Variants in UROC1 observed in about 807,000 individuals in gnomAD.
UROC1 encodes the protein urocanate hydratase 1.
Under a neutral mutation model 89.5 loss-of-function variants are expected in UROC1, and 79 were observed. The ratio of observed to expected loss-of-function variants is 0.88; its 90% CI spans 0.74 to 1.06. The LOEUF (loss-of-function observed/expected upper bound fraction) is 1.06. Among genes scored for constraint, UROC1 ranks in the 50% least tolerant of loss-of-function variants. The probability of loss-of-function intolerance (pLI) is 0.00; values close to 1 mark genes in which losing one functional copy is unlikely to be tolerated. For synonymous variants in UROC1, 361 were observed against 354.8 expected, an observed-to-expected ratio of 1.02 and a Z score of -0.20; for missense variants, 885 against 907.8, an observed-to-expected ratio of 0.97 and a Z score of 0.32.
intron 14 of UROC1, among the ~76,000 whole-genome samples, chr3:126,496,342 G>A (rs140722807): frequency 1.6e-4 from 24 of 152,224 alleles, no homozygotes; most frequent in African/African-American, 5.3e-4. Context: ...GATGCACTCG[G>A]TCCCTCCACA....
At chr3:126,501,118 A>C in intron 10 of UROC1, 100 bp downstream of exon 10, 11 of 1,373,846 alleles carry the variant, frequency 8.0e-6, no homozygotes, top group Non-Finnish European at 1.0e-5. Context: ...TGGGGCTCAA[A>C]GCTTTGTGTC....
chr3:126,493,781 G>A (rs1001024625), intron 15 of UROC1, among the ~76,000 whole-genome samples: 1 of 152,198 alleles, frequency 6.6e-6, no homozygotes, highest in African/African-American at 2.4e-5. Context: ...AAGAAAATTT[G>A]TACAGCCCCA....
intron 1 of UROC1, 82 bp from the exon 2 acceptor site, chr3:126,510,876 C>T (rs922000821): frequency 1.3e-6 from 2 of 1,553,096 alleles, no homozygotes; most frequent in African/African-American, 1.4e-5. Context: ...CCATCCTCCT[C>T]CCAAATGGAT....
intron 1 of UROC1, among the ~76,000 whole-genome samples, chr3:126,516,627 G>C: frequency 3.7e-5 from 1 of 27,210 alleles, no homozygotes; most frequent in Non-Finnish European, 7.6e-5. Flanking sequence ...CGCTCCACCT[G>C]CCCCCAGTGC....
chr3:126,493,190 G>A (rs2107537361), intron 15 of UROC1, among the ~76,000 whole-genome samples: 1 of 152,180 alleles, frequency 6.6e-6, no homozygotes, highest in East Asian at 1.9e-4. Context: ...CGGTCCTCAA[G>A]CAGGATGACA....
At position 126,509,622 on chromosome 3, in the gene UROC1, T is replaced by G. The variant is rs1289912012; in HGVS notation, c.314A>C (p.His105Pro). Residue 105 changes from histidine to proline, a missense_variant, in exon 3 of 20, where the codon CAC (histidine) becomes CCC (proline). By Grantham distance (77) the His-to-Pro change is moderately conservative. Transcript: ENST00000290868. ...CQTKVAAAIM[H>P]MIMNNLDPAV... ...AGGATCCAGGTTGTTCATAATCATGTGCATGATGGCGGCAGCCACTTTCGT... is the reference window on the plus strand; with the variant it reads ...AGGATCCAGGTTGTTCATAATCATGGGCATGATGGCGGCAGCCACTTTCGT... 35 of 1,552,170 alleles carry G rather than the reference T, an allele frequency of 2.3e-5. No homozygotes were observed. The highest frequency in any genetic ancestry group is 2.9e-5 in the Non-Finnish European group (33 of 1,147,206).
intron 16 of UROC1, among the ~76,000 whole-genome samples, chr3:126,490,929 T>G (rs1935637119): frequency 6.6e-6 from 1 of 152,278 alleles, no homozygotes; most frequent in Admixed American, 6.5e-5. Flanking sequence ...TCCTGGAAAC[T>G]TTTCAGGTAG....
At chr3:126,500,561 G>A in intron 11 of UROC1, 134 bp downstream of exon 11, 1 of 1,069,380 alleles carries the variant, frequency 9.4e-7, no homozygotes, top group Non-Finnish European at 1.4e-6. Flanking sequence ...ATGGGTGGAG[G>A]CAGAGGCTCA....
At chr3:126,506,545 T>G (rs908125426) in intron 6 of UROC1, among the ~76,000 whole-genome samples, 1 of 152,210 alleles carries the variant, frequency 6.6e-6, no homozygotes, top group Non-Finnish European at 1.5e-5. Context: ...AATTGAACAT[T>G]GCAGGTAAAG....
rs1240137413 is a variant in UROC1 at position 126,505,826 on chromosome 3, C to T, written c.688G>A (p.Ala230Thr). The T allele has an allele frequency of 1.2e-6, 2 of 1,613,834 alleles. No homozygotes were observed. Among genetic ancestry groups the T allele is most frequent in the Non-Finnish European group, 8.5e-7 (1 of 1,180,022 alleles). ...TCCTCGATGCCCAGGTACCGACGTG[C>T]AGCATTCAACACGGTGAGCTGCAGG... ...HGTVLTVLNAARRYLGIEDLA... is the reference protein window; with the variant it reads ...HGTVLTVLNATRRYLGIEDLA... Residue 230 changes from alanine to threonine, a missense_variant, in exon 8 of 20, where the codon GCA (alanine) becomes ACA (threonine). Coordinates refer to ENST00000290868, the MANE Select transcript of UROC1 (RefSeq NM_144639.3).
intron 16 of UROC1, among the ~76,000 whole-genome samples, chr3:126,491,945 C>A (rs1390278169): frequency 1.3e-5 from 2 of 152,188 alleles, no homozygotes; most frequent in African/African-American, 4.8e-5. Flanking sequence ...CAGCAGGGAA[C>A]AATGATGGGG....
At chr3:126,507,899 T>A in intron 5 of UROC1, 68 bp downstream of exon 5, 1 of 1,612,678 alleles carries the variant, frequency 6.2e-7, no homozygotes, top group Admixed American at 1.7e-5. Context: ...CACTGGGCTT[T>A]CTTTCCAGCG....
At chr3:126,515,978 G>A (rs1403492034) in intron 1 of UROC1, among the ~76,000 whole-genome samples, 1 of 18,326 alleles carries the variant, frequency 5.5e-5, no homozygotes, top group Non-Finnish European at 9.8e-5. Flanking sequence ...TACCCTCTCC[G>A]CCCCCCAATG....
chr3:126,489,465 A>C (rs1935595555), intron 16 of UROC1, 90 bp from the exon 17 acceptor site: 1 of 1,020,922 alleles, frequency 9.8e-7, no homozygotes, highest in Admixed American at 1.7e-5. Context: ...TCACACCAGA[A>C]CCCGCTGGAT....
intron 19 of UROC1, 62 bp from the exon 20 acceptor site, chr3:126,482,547 G>A: frequency 6.2e-7 from 1 of 1,612,400 alleles, no homozygotes; most frequent in Non-Finnish European, 8.5e-7. Context: ...CGTGAGTCTT[G>A]GCTCCCACAC....
Position 126,483,421 on chromosome 3 carries a change from G to A in UROC1, c.1838C>T (p.Pro613Leu), listed in dbSNP as rs540556859. 3.0e-5 allele frequency: 48 copies of A among 1,613,580 alleles called. No individual in the cohort carries two copies. Among genetic ancestry groups the A allele is most frequent in the African/African-American group, 6.7e-5 (5 of 74,930 alleles). The change falls in exon 19 of 20, where the codon CCG becomes CTG. Residue 613 changes from proline to leucine, a missense_variant. Transcript: ENST00000290868. ...GGFGLVLDGT[P>L]EAEGRARLML... is the part of the protein sequence containing the mutation. ...CAGCCTGGCTCTCCCCTCGGCCTCC[G>A]GGGTACCGTCCAGCACGAGGCCGAA...
At chr3:126,509,117 T>C (rs1936136400) in intron 3 of UROC1, among the ~76,000 whole-genome samples, 3 of 151,874 alleles carry the variant, frequency 2.0e-5, no homozygotes, top group Admixed American at 6.6e-5. Flanking sequence ...GTGCCTGTAG[T>C]CCCAGCTACC....
intron 10 of UROC1, 39 bp downstream of exon 10, chr3:126,501,179 G>T: frequency 6.2e-7 from 1 of 1,609,998 alleles, no homozygotes; most frequent in Non-Finnish European, 8.5e-7. Flanking sequence ...GCCCCATCTG[G>T]GTTCCCAAGC....
intron 1 of UROC1, among the ~76,000 whole-genome samples, chr3:126,514,787 T>A (rs1936264116): frequency 6.6e-6 from 1 of 151,966 alleles, no homozygotes; most frequent in South Asian, 2.1e-4. Context: ...TCCTACTTTA[T>A]TTCATTTGGT....
Sources: gnomAD v4.1 joint callset for allele counts (sites outside exome capture counted in the v4.1 genomes callset) on GRCh38, gnomAD v4.1.1 for gene constraint, MANE v1.5 for transcripts, NCBI Gene and HGNC (gene_info 2026-07-23, HGNC 2026-07-21) for gene names.